CBFA2T2: variants seen among roughly 807,000 people sequenced by gnomAD.
CBFA2T2 encodes protein CBFA2T2.
A neutral mutation model predicts 62.2 loss-of-function variants in CBFA2T2; 11 were observed. The observed-to-expected ratio is 0.18, with a 90% CI of 0.11 to 0.29. The LOEUF (loss-of-function observed/expected upper bound fraction) is 0.29. CBFA2T2 is among the 10% of genes least tolerant of loss of function. The pLI is 1.00. For missense variants in CBFA2T2, 592 were observed against 774.1 expected (o/e 0.76, Z 2.79); for synonymous variants, 295 against 287.5 (o/e 1.03, Z -0.27).
chr20:33,490,638 T>A (rs1304949997), intron 1 of CBFA2T2, among the ~76,000 whole-genome samples: 1 of 152,182 alleles, frequency 6.6e-6, no homozygotes, highest in Non-Finnish European at 1.5e-5. Context: ...GAAGTCCGGC[T>A]CCTGGGGAAA....
intron 9 of CBFA2T2, 50 bp from the exon 10 acceptor site, chr20:33,640,291 G>A (rs1260743676): frequency 1.9e-6 from 3 of 1,544,116 alleles, no homozygotes; most frequent in Admixed American, 1.8e-5. Flanking sequence ...CCGTGGGATG[G>A]GAGGGAAAAG....
intron 1 of CBFA2T2, among the ~76,000 whole-genome samples, chr20:33,494,495 A>G (rs1032973532): frequency 2.0e-5 from 3 of 148,730 alleles, no homozygotes; most frequent in African/African-American, 7.4e-5. Flanking sequence ...GTTAGCCAGG[A>G]TGGTCTCGAT....
chr20:33,614,506 A>G (rs1453952810), intron 3 of CBFA2T2, among the ~76,000 whole-genome samples: 1 of 152,198 alleles, frequency 6.6e-6, no homozygotes, highest in African/African-American at 2.4e-5. Flanking sequence ...ATCACCATCC[A>G]TCTCCAAAAC....
intron 1 of CBFA2T2, among the ~76,000 whole-genome samples, chr20:33,501,088 C>T (rs2011271837): frequency 6.6e-6 from 1 of 152,162 alleles, no homozygotes; most frequent in South Asian, 2.1e-4. Flanking sequence ...TAATTAAATG[C>T]AGAAATCAAA....
At chr20:33,599,889 C>G (rs1293233372) in intron 1 of CBFA2T2, among the ~76,000 whole-genome samples, 1 of 152,098 alleles carries the variant, frequency 6.6e-6, no homozygotes, top group Non-Finnish European at 1.5e-5. Flanking sequence ...CCACTGTGCC[C>G]AGCCTCTGGT....
chr20:33,625,001 T>C lies in CBFA2T2; in HGVS notation c.930T>C (p.Asp310=). The C allele has an allele frequency of 1.2e-6, 2 of 1,613,906 alleles. No individual in the cohort carries two copies. The highest frequency in any genetic ancestry group is 8.5e-7 in the Non-Finnish European group (1 of 1,179,880). ...NKMLEHREVR[D]RHHSLGLNGG... ...TGCTAGAGCATCGAGAAGTTCGTGA[T>C]AGACACCACAGTCTTGGTAAGCAAC... Residue 310 remains aspartate, a synonymous_variant, in exon 6 of 11, where the codon GAT becomes GAC. Coordinates refer to ENST00000342704, the MANE Select transcript of CBFA2T2 (RefSeq NM_001032999.3).
At chr20:33,572,643 T>C (rs1336269591) in intron 1 of CBFA2T2, among the ~76,000 whole-genome samples, 1 of 152,160 alleles carries the variant, frequency 6.6e-6, no homozygotes, top group African/African-American at 2.4e-5. Context: ...ATGAACTCAG[T>C]ATGTTCAAAG....
At chr20:33,540,448 A>T (rs1377549196) in intron 1 of CBFA2T2, among the ~76,000 whole-genome samples, 1 of 152,240 alleles carries the variant, frequency 6.6e-6, no homozygotes, top group Non-Finnish European at 1.5e-5. Context: ...GTGTTTGTAT[A>T]TCTAAACATA....
chr20:33,602,107 A>G (rs1369141754), intron 1 of CBFA2T2, among the ~76,000 whole-genome samples: 1 of 152,164 alleles, frequency 6.6e-6, no homozygotes, highest in East Asian at 1.9e-4. Context: ...CATCATGCCC[A>G]ACCATAATTC....
At chr20:33,543,727 G>A (rs1044051899) in intron 1 of CBFA2T2, among the ~76,000 whole-genome samples, 10 of 152,106 alleles carry the variant, frequency 6.6e-5, no homozygotes, top group Admixed American at 6.5e-4. Flanking sequence ...CCACTGCTCT[G>A]CTTTGTGCAG....
chr20:33,582,543 G>A lies in CBFA2T2; in HGVS notation c.35-24413G>A, dbSNP rs545529318. Among the ~76,000 whole-genome samples, 9 of 152,202 alleles carry A rather than the reference G, an allele frequency of 5.9e-5. No homozygotes were observed. The East Asian group carries it at 9.7e-4, about 16-fold the overall frequency. ...TGCATTAGGAATGACAGCACAGGCC[G>A]GGCGCGGTGGCGTACACCTGTAATC... On this transcript the variant is annotated intron_variant, in intron 1 of 10. Transcript: ENST00000342704.
intron 1 of CBFA2T2, among the ~76,000 whole-genome samples, chr20:33,505,432 G>A (rs896333087): frequency 2.0e-5 from 3 of 152,140 alleles, no homozygotes; most frequent in Admixed American, 6.5e-5. Context: ...TCCATTTGTA[G>A]TGGTTTCCAT....
At position 33,537,293 on chromosome 20, in the gene CBFA2T2, C is replaced by T. The variant is rs1369480322; in HGVS notation, c.34+46992C>T. ...CGCGGTTAGGAGCTGGAGACCAGCC[C>T]GGCCAACACAGCGAAACCCCGTCTC... On this transcript the variant is annotated intron_variant, in intron 1 of 10. Transcript: ENST00000342704. Among the ~76,000 whole-genome samples the T allele has an allele frequency of 2.6e-5, 4 of 152,358 alleles. 1 individual carries two copies. The highest frequency in any genetic ancestry group is 4.1e-4 in the South Asian group (2 of 4,830).
rs377121626 is a variant in CBFA2T2, at chr20:33,534,163, G to A, written c.34+43862G>A. Among the ~76,000 whole-genome samples the A allele has an allele frequency of 5.5e-4, 84 of 152,236 alleles. 1 individual carries two copies. In the South Asian group the frequency reaches 0.017, roughly 30 times the overall value. On this transcript the variant is annotated intron_variant, in intron 1 of 10. Transcript: ENST00000342704. ...TTTCCTTTGTAAATACATAGGAATG[G>A]TGTGGTTGCATCATATGTTTTAACT...
At chr20:33,598,047 T>C (rs1285336724) in intron 1 of CBFA2T2, among the ~76,000 whole-genome samples, 1 of 151,218 alleles carries the variant, frequency 6.6e-6, no homozygotes, top group Non-Finnish European at 1.5e-5. Context: ...GGGGAGGGAG[T>C]GTGCGAATAC....
Position 33,576,317 on chromosome 20 carries a change from A to G in CBFA2T2, c.35-30639A>G, listed in dbSNP as rs913217121. Among the ~76,000 whole-genome samples, 45 of 152,284 alleles carry G rather than the reference A, an allele frequency of 3.0e-4. 1 individual carries two copies. In the Middle Eastern group the frequency reaches 0.01, roughly 35 times the overall value. On this transcript the variant is annotated intron_variant, in intron 1 of 10. Transcript: ENST00000342704. ...GTCTCATCTTAATATAAAAGTAGAT[A>G]CTGGAACTTAGGAGTTTGCTCTGAT... is the stretch of plus-strand genomic sequence containing the variant.
intron 1 of CBFA2T2, among the ~76,000 whole-genome samples, chr20:33,545,296 A>G (rs2012522161): frequency 6.6e-6 from 1 of 152,212 alleles, no homozygotes; most frequent in Non-Finnish European, 1.5e-5. Flanking sequence ...GAAAAATGCC[A>G]CTAGATAATT....
chr20:33,493,278 A>G (rs1016469683), intron 1 of CBFA2T2, among the ~76,000 whole-genome samples: 9 of 147,636 alleles, frequency 6.1e-5, no homozygotes, highest in Non-Finnish European at 6.0e-5. Context: ...GTTTCACTAC[A>G]TTGGCCAGGC....
intron 1 of CBFA2T2, among the ~76,000 whole-genome samples, chr20:33,506,908 A>G (rs969081837): frequency 6.6e-6 from 1 of 152,182 alleles, no homozygotes; most frequent in African/African-American, 2.4e-5. Flanking sequence ...GGTGTGTTCA[A>G]TGGGGAGAAT....
Sources: allele counts gnomAD v4.1 joint callset (sites outside exome capture counted in the v4.1 genomes callset), GRCh38; gene constraint gnomAD v4.1.1; transcripts MANE v1.5; gene names NCBI Gene and HGNC (gene_info 2026-07-23, HGNC 2026-07-21).